Variants in ROBO2 observed in about 807,000 individuals in gnomAD.
ROBO2 encodes the protein roundabout guidance receptor 2, also known as roundabout homolog 2.
Under a neutral mutation model 160.8 loss-of-function variants are expected in ROBO2, and 53 were observed. The ratio of observed to expected loss-of-function variants is 0.33; its 90% CI spans 0.26 to 0.41. ROBO2 has a LOEUF of 0.41. Ranked by LOEUF, ROBO2 falls within the 10% of genes least tolerant of loss-of-function variation. ROBO2 has a pLI of 1.00. For missense variants in ROBO2, 1,577 were observed against 1,722.4 expected (o/e 0.92, Z 1.49); for synonymous variants, 664 against 611.7 (o/e 1.09, Z -1.26).
intron 2 of ROBO2, among the ~76,000 whole-genome samples, chr3:76,873,719 A>G (rs2072387705): frequency 6.6e-6 from 1 of 152,120 alleles, no homozygotes; most frequent in Non-Finnish European, 1.5e-5. Flanking sequence ...GCACTCTCTA[A>G]CCTGCCCAGC....
At chr3:76,932,043 A>C (rs1246342233) in intron 2 of ROBO2, among the ~76,000 whole-genome samples, 3 of 152,188 alleles carry the variant, frequency 2.0e-5, no homozygotes, top group Non-Finnish European at 4.4e-5. Context: ...CAAAGACTTT[A>C]AGATAGTTTA....
chr3:76,095,749 G>GACACACAC (rs59290141), intron 2 of ROBO2, among the ~76,000 whole-genome samples: 2 of 148,052 alleles, frequency 1.4e-5, no homozygotes, highest in South Asian at 2.1e-4. Flanking sequence ...TAGTATGCTT[G>GACACACAC]ACACACACAC....
At chr3:76,641,117 A>G (rs2090654008) in intron 2 of ROBO2, among the ~76,000 whole-genome samples, 1 of 152,222 alleles carries the variant, frequency 6.6e-6, no homozygotes, top group African/African-American at 2.4e-5. Flanking sequence ...TGCAGGCAAA[A>G]TATACTAATC....
chr3:76,637,995 T>C (rs1416350450), intron 2 of ROBO2, among the ~76,000 whole-genome samples: 3 of 152,328 alleles, frequency 2.0e-5, no homozygotes, highest in East Asian at 1.9e-4. Flanking sequence ...ATTTGCATTT[T>C]CTTATAGTAT....
intron 2 of ROBO2, among the ~76,000 whole-genome samples, chr3:76,097,935 C>T (rs889539111): frequency 6.6e-6 from 1 of 152,224 alleles, no homozygotes; most frequent in African/African-American, 2.4e-5. Context: ...TTAATAAAAT[C>T]AAAGTTTCAC....
intron 2 of ROBO2, among the ~76,000 whole-genome samples, chr3:76,602,361 C>G (rs1314442654): frequency 2.6e-5 from 4 of 152,150 alleles, no homozygotes; most frequent in Admixed American, 6.5e-5. Flanking sequence ...CAGCAAGACC[C>G]CACTCTACTG....
chr3:76,281,340 A>G (rs1366269115), intron 2 of ROBO2, among the ~76,000 whole-genome samples: 3 of 151,922 alleles, frequency 2.0e-5, no homozygotes, highest in Non-Finnish European at 4.4e-5. Flanking sequence ...CTGCAACTAT[A>G]TGGGTATATG....
At chr3:76,772,869 A>C (rs1326899167) in intron 2 of ROBO2, among the ~76,000 whole-genome samples, 1 of 151,172 alleles carries the variant, frequency 6.6e-6, no homozygotes, top group Admixed American at 6.6e-5. Context: ...AAGAAATTTG[A>C]ATTGGAGCAG....
intron 2 of ROBO2, among the ~76,000 whole-genome samples, chr3:75,979,780 T>A (rs58735950): frequency 6.6e-6 from 1 of 151,646 alleles, no homozygotes; most frequent in Non-Finnish European, 1.5e-5. Flanking sequence ...CTACACATTG[T>A]TTTAGTTAAA....
At chr3:77,240,305 G>A (rs947106482) in intron 2 of ROBO2, among the ~76,000 whole-genome samples, 5 of 152,284 alleles carry the variant, frequency 3.3e-5, no homozygotes, top group East Asian at 1.9e-4. Context: ...GGGACCCGGC[G>A]CTCCCTCTGC....
Position 76,493,337 on chromosome 3 carries a change from T to TTATATATATATATATATATATATATA in ROBO2, c.109+555738_109+555763dup, listed in dbSNP as rs57835432. Among the ~76,000 whole-genome samples the TTATATATATATATATATATATATATA allele has an allele frequency of 4.7e-3, 495 of 104,616 alleles. 5 individuals are homozygous for TTATATATATATATATATATATATATA. Among genetic ancestry groups the TTATATATATATATATATATATATATA allele is most frequent in the Middle Eastern group, 0.014 (3 of 218 alleles). 68.6% of individuals were successfully genotyped at this position (104,616 alleles called of 152,430 possible). A position where few individuals can be genotyped will look rare whatever the true frequency, so the allele number is the denominator to read the frequency against. On this transcript the variant is annotated intron_variant, in intron 2 of 26. Coordinates refer to the ROBO2 transcript ENST00000487694. ...GAACCCAAAACATGTAGACAAAAAATTATATATATATATATATATATATAT... is the reference window on the plus strand; with the variant it reads ...GAACCCAAAACATGTAGACAAAAAATTATATATATATATATATATATATATATATATATATATATATATATATATAT...
intron 2 of ROBO2, among the ~76,000 whole-genome samples, chr3:76,148,618 C>T (rs531254671): frequency 8.9e-4 from 135 of 152,188 alleles, no homozygotes; most frequent in African/African-American, 2.6e-3. Flanking sequence ...CATTAAGAAC[C>T]TCCATCTTGC....
At chr3:77,485,454 C>T (rs1320074000) in intron 4 of ROBO2, among the ~76,000 whole-genome samples, 4 of 151,588 alleles carry the variant, frequency 2.6e-5, no homozygotes, top group Admixed American at 2.6e-4. Context: ...TCTTTTCTTC[C>T]CAAATGTTTG....
At chr3:77,202,619 A>G (rs112838455) in intron 2 of ROBO2, among the ~76,000 whole-genome samples, 64 of 152,274 alleles carry the variant, frequency 4.2e-4, no homozygotes, top group African/African-American at 1.5e-3. Flanking sequence ...GAAATCTAAG[A>G]CAGCCCTCAA....
At chr3:76,185,930 A>G (rs1701740009) in intron 2 of ROBO2, among the ~76,000 whole-genome samples, 1 of 109,058 alleles carries the variant, frequency 9.2e-6, no homozygotes, top group South Asian at 3.7e-4. Flanking sequence ...ATTAAAGGAA[A>G]CACAGATTTT....
intron 2 of ROBO2, among the ~76,000 whole-genome samples, chr3:76,480,151 T>G (rs1317510528): frequency 6.6e-6 from 1 of 152,194 alleles, no homozygotes; most frequent in African/African-American, 2.4e-5. Context: ...TCCATCATCA[T>G]TCGATATACT....
chr3:77,642,908 T>C (rs1053815755), intron 24 of ROBO2: 5 of 456,574 alleles, frequency 1.1e-5, no homozygotes, highest in South Asian at 7.7e-5. Flanking sequence ...CAAGAAGATA[T>C]ACGGAAAGCC....
intron 2 of ROBO2, among the ~76,000 whole-genome samples, chr3:76,374,050 GTCCTCTTGAAGCCTAGA>G (rs1174520095): frequency 6.6e-5 from 10 of 151,876 alleles, no homozygotes; most frequent in Non-Finnish European, 1.2e-4. Flanking sequence ...AAAATTGCAA[GTCCTCTTGAAGCCTAGA>G]TTCAGAGGGG....
intron 2 of ROBO2, among the ~76,000 whole-genome samples, chr3:76,791,828 A>G (rs2063372990): frequency 1.3e-5 from 2 of 151,988 alleles, no homozygotes; most frequent in South Asian, 4.1e-4. Context: ...ACACACACAC[A>G]CACAAAATGA....
Sources: gnomAD v4.1 joint callset for allele counts (sites outside exome capture counted in the v4.1 genomes callset) on GRCh38, gnomAD v4.1.1 for gene constraint, MANE v1.5 for transcripts, NCBI Gene and HGNC (gene_info 2026-07-23, HGNC 2026-07-21) for gene names.